The following ENTPD5 variants were observed in gnomAD, a reference collection of about 807,000 sequenced individuals.
ENTPD5 encodes ectonucleoside triphosphate diphosphohydrolase 5 (inactive).
ENTPD5 carries 49 observed loss-of-function variants against 60.2 expected under a neutral mutation model. That is an observed-to-expected ratio of 0.81 (90% CI 0.65 to 1.03). The LOEUF (loss-of-function observed/expected upper bound fraction) is 1.03. ENTPD5 is among the 50% of genes least tolerant of loss of function. ENTPD5 has a pLI of 0.00. For missense variants in ENTPD5, 480 were observed against 507.6 expected, an observed-to-expected ratio of 0.95 and a Z score of 0.52; for synonymous variants, 187 against 185.4, an observed-to-expected ratio of 1.01 and a Z score of -0.07.
In ENTPD5 at chr14:73,983,694, A is replaced by ATT. The variant is rs199685639; in HGVS notation, c.298-535_298-534dup. On this transcript the variant is annotated intron_variant, in intron 5 of 15. Coordinates refer to ENST00000334696, the MANE Select transcript of ENTPD5 (RefSeq NM_001249.5). The stretch of plus-strand genomic sequence containing the variant: ...ATAAAAAATTATTATTATTATTATT[A>ATT]TTTTTTTTGGGACATTCTTGCTCTG... 2.5e-5 allele frequency among the ~76,000 whole-genome samples: 3 copies of ATT among 120,356 alleles called. 1 individual carries two copies. Among genetic ancestry groups the ATT allele is most frequent in the African/African-American group, 9.4e-5 (3 of 31,986 alleles). The allele number at this position is 120,356 out of a possible 152,430, so 79.0% of individuals were successfully genotyped here. A position where few individuals can be genotyped will look rare whatever the true frequency, so the allele number is the denominator to read the frequency against.
downstream of ENTPD5, chr14:73,958,487 T>A: frequency 7.2e-7 from 1 of 1,397,576 alleles, no homozygotes; most frequent in South Asian, 1.4e-5. Flanking sequence ...TCTTAGGTTG[T>A]GAAATAACAG....
At chr14:73,972,819 C>G in intron 13 of ENTPD5, 65 bp downstream of exon 13, 4 of 1,573,842 alleles carry the variant, frequency 2.5e-6, no homozygotes, top group Non-Finnish European at 3.5e-6. Flanking sequence ...GCTCTTTCTC[C>G]TTGACCTTCC....
intron 3 of ENTPD5, chr14:74,003,615 G>A: frequency 1.9e-6 from 1 of 518,258 alleles, no homozygotes; most frequent in Non-Finnish European, 3.7e-6. Context: ...ACCGCCCTCT[G>A]ATCGCTGATC....
intron 5 of ENTPD5, among the ~76,000 whole-genome samples, chr14:73,984,716 T>C (rs1245890855): frequency 6.6e-6 from 1 of 152,012 alleles, no homozygotes; most frequent in African/African-American, 2.4e-5. Context: ...ATTAATTTAT[T>C]TATTTACTAT....
intron 11 of ENTPD5, among the ~76,000 whole-genome samples, 166 bp downstream of exon 11, chr14:73,974,758 T>C (rs2057367997): frequency 6.6e-6 from 1 of 152,216 alleles, no homozygotes; most frequent in Non-Finnish European, 1.5e-5. Context: ...TCTGAACTTA[T>C]AAACTAGAAA....
intron 3 of ENTPD5, among the ~76,000 whole-genome samples, chr14:74,000,733 A>G (rs2058482183): frequency 6.6e-6 from 1 of 151,190 alleles, no homozygotes; most frequent in African/African-American, 2.4e-5. Context: ...AGCCGAGATC[A>G]TGCCACTGCA....
At chr14:73,969,279 G>A (rs1432547136) in intron 15 of ENTPD5, among the ~76,000 whole-genome samples, 1 of 152,148 alleles carries the variant, frequency 6.6e-6, no homozygotes, top group Non-Finnish European at 1.5e-5. Context: ...ATAAACCTAG[G>A]ACAAATGGAA....
chr14:73,969,947 C>T (rs2057149409), intron 15 of ENTPD5, 63 bp downstream of exon 15: 2 of 1,161,776 alleles, frequency 1.7e-6, no homozygotes, highest in South Asian at 1.2e-5. Flanking sequence ...TGAACAAGCT[C>T]TTACTCCTTC....
downstream of ENTPD5, chr14:73,958,410 A>G (rs553166702): frequency 4.7e-5 from 72 of 1,527,882 alleles, no homozygotes; most frequent in Non-Finnish European, 6.1e-5. Flanking sequence ...ACCAGTACCT[A>G]TTCAGGCCAG....
chr14:73,961,637 G>T (rs1358142854), downstream of ENTPD5: 21 of 1,600,566 alleles, frequency 1.3e-5, no homozygotes. Flanking sequence ...AGGGCCCACA[G>T]TAGCAAGAGG....
At chr14:73,959,925 C>T, downstream of ENTPD5, 4 of 1,164,390 alleles carry the variant, frequency 3.4e-6, no homozygotes, top group Non-Finnish European at 4.3e-6. Flanking sequence ...TCCCTTTCTA[C>T]TTTGTAACTA....
intron 6 of ENTPD5, among the ~76,000 whole-genome samples, chr14:73,977,805 G>A (rs1356263122): frequency 6.6e-6 from 1 of 152,096 alleles, no homozygotes; most frequent in Non-Finnish European, 1.5e-5. Context: ...CACACCTAAG[G>A]GCTGAGGTAC....
intron 5 of ENTPD5, among the ~76,000 whole-genome samples, chr14:73,985,504 A>G (rs1364191128): frequency 6.6e-6 from 1 of 151,982 alleles, no homozygotes; most frequent in Admixed American, 6.6e-5. Flanking sequence ...GATGATGAGC[A>G]TTTTTTCATG....
intron 5 of ENTPD5, among the ~76,000 whole-genome samples, chr14:73,984,329 T>G (rs2140597337): frequency 6.6e-6 from 1 of 152,356 alleles, no homozygotes; most frequent in Admixed American, 6.5e-5. Flanking sequence ...CTTGGTTTCC[T>G]CAAGTGTGGG....
chr14:73,979,687 G>C (rs2057594772), intron 6 of ENTPD5, among the ~76,000 whole-genome samples: 1 of 152,078 alleles, frequency 6.6e-6, no homozygotes, highest in South Asian at 2.1e-4. Context: ...TAGCCAGGAT[G>C]GTCTCGATCT....
chr14:73,961,109 T>C (rs2056704404), downstream of ENTPD5: 2 of 1,546,960 alleles, frequency 1.3e-6, no homozygotes, highest in Non-Finnish European at 8.8e-7. Flanking sequence ...GGTTTCTTTA[T>C]TGAATTTTTA....
chr14:73,987,279 C>T lies in ENTPD5; in HGVS notation c.218-386G>A. 4.8e-6 allele frequency: 3 copies of T among 624,444 alleles called. No individual in the cohort carries two copies. In the South Asian group the frequency reaches 5.7e-5, roughly 12 times the overall value. The allele number at this position is 624,444 out of a possible 1,614,324, so 38.7% of individuals were successfully genotyped here. A position where few individuals can be genotyped will look rare whatever the true frequency, so the allele number is the denominator to read the frequency against. On this transcript the variant is annotated intron_variant, in intron 4 of 15. Coordinates refer to ENST00000334696, the MANE Select transcript of ENTPD5 (RefSeq NM_001249.5). ...TCCCCATATTCTGAATATTATGGAT[C>T]CCTGGAGTATCCCATGTTTAAAGAG...
chr14:74,015,976 T>C (rs994297162), intron 1 of ENTPD5, 46 bp from the exon 2 acceptor site: 3 of 152,146 alleles, frequency 2.0e-5, no homozygotes, highest in Non-Finnish European at 2.9e-5. Flanking sequence ...AAACATGAAG[T>C]GGCTTATTCC....
chr14:73,958,471 G>C (rs1044336405), downstream of ENTPD5: 4 of 1,440,122 alleles, frequency 2.8e-6, no homozygotes, highest in African/African-American at 5.7e-5. Context: ...GCAATCTCAT[G>C]GGCCGTCTTA....
Sources: allele counts gnomAD v4.1 joint callset (sites outside exome capture counted in the v4.1 genomes callset), GRCh38; gene constraint gnomAD v4.1.1; transcripts MANE v1.5; gene names NCBI Gene and HGNC (gene_info 2026-07-23, HGNC 2026-07-21).